Variants in PLCXD3 observed in about 807,000 individuals in gnomAD.
PLCXD3 encodes the protein phosphatidylinositol specific phospholipase C X domain containing 3.
Under a neutral mutation model 25.5 loss-of-function variants are expected in PLCXD3, and 19 were observed. The ratio of observed to expected loss-of-function variants is 0.75; its 90% CI spans 0.52 to 1.09. The LOEUF is 1.09. PLCXD3 is among the 50% of genes least tolerant of loss of function. The pLI is 0.00. For missense variants in PLCXD3, 411 were observed against 388.1 expected (o/e 1.06, Z -0.50); for synonymous variants, 174 against 137.6 (o/e 1.26, Z -1.85).
intron 1 of PLCXD3, among the ~76,000 whole-genome samples, chr5:41,446,646 G>A (rs1747512076): frequency 6.6e-6 from 1 of 151,898 alleles, no homozygotes; most frequent in Non-Finnish European, 1.5e-5. Context: ...TCAAGGAGAA[G>A]GGAAGATGCA....
intron 2 of PLCXD3, among the ~76,000 whole-genome samples, chr5:41,365,630 G>C (rs1245323545): frequency 6.6e-6 from 1 of 152,024 alleles, no homozygotes; most frequent in South Asian, 2.1e-4. Context: ...TCTATCCCTG[G>C]GTAACCTGAA....
chr5:41,485,005 G>C (rs1361726490), intron 1 of PLCXD3, among the ~76,000 whole-genome samples: 1 of 152,172 alleles, frequency 6.6e-6, no homozygotes, highest in African/African-American at 2.4e-5. Flanking sequence ...GGTATAAACA[G>C]GGATAGGTGA....
chr5:41,413,785 T>C (rs899335015), intron 1 of PLCXD3, among the ~76,000 whole-genome samples: 5 of 152,156 alleles, frequency 3.3e-5, no homozygotes, highest in Admixed American at 6.5e-5. Context: ...AAAAATCACC[T>C]ATATTCTGCA....
intron 1 of PLCXD3, among the ~76,000 whole-genome samples, chr5:41,430,713 G>A (rs1284012882): frequency 6.6e-6 from 1 of 152,098 alleles, no homozygotes; most frequent in Non-Finnish European, 1.5e-5. Context: ...TCCCTTCCAG[G>A]GGTCAGAGTA....
At chr5:41,466,226 C>T (rs1361967488) in intron 1 of PLCXD3, among the ~76,000 whole-genome samples, 2 of 151,752 alleles carry the variant, frequency 1.3e-5, no homozygotes, top group Admixed American at 1.3e-4. Flanking sequence ...TTAATTAAAA[C>T]AATTTTTCAA....
chr5:41,397,985 A>G (rs1746061881), intron 1 of PLCXD3, among the ~76,000 whole-genome samples: 1 of 152,204 alleles, frequency 6.6e-6, no homozygotes, highest in Non-Finnish European at 1.5e-5. Flanking sequence ...TTTTCATATT[A>G]CAGGATCATT....
chr5:41,366,332 A>G (rs318837), intron 2 of PLCXD3, among the ~76,000 whole-genome samples: 110,594 of 152,134 alleles, frequency 0.73, 40,812 homozygotes, highest in Non-Finnish European at 0.79. Context: ...CTAAAGGAAA[A>G]CATGAGGTTC....
chr5:41,389,267 A>G (rs549767075), intron 1 of PLCXD3, among the ~76,000 whole-genome samples: 1 of 152,272 alleles, frequency 6.6e-6, no homozygotes, highest in Admixed American at 6.5e-5. Flanking sequence ...CCATGTTACA[A>G]GATACTGGCA....
chr5:41,455,306 A>T (rs1212844474), intron 1 of PLCXD3, among the ~76,000 whole-genome samples: 1 of 151,940 alleles, frequency 6.6e-6, no homozygotes, highest in Admixed American at 6.6e-5. Context: ...CTCATAACTG[A>T]GGATAATTGA....
At chr5:41,377,759 T>G (rs1745339055) in intron 2 of PLCXD3, among the ~76,000 whole-genome samples, 1 of 152,142 alleles carries the variant, frequency 6.6e-6, no homozygotes, top group Non-Finnish European at 1.5e-5. Context: ...CGCTGTTTTC[T>G]AAATGCATGT....
intron 1 of PLCXD3, among the ~76,000 whole-genome samples, chr5:41,471,983 C>G (rs953418300): frequency 1.5e-5 from 2 of 129,394 alleles, no homozygotes; most frequent in African/African-American, 5.9e-5. Flanking sequence ...CCCTCCCTCC[C>G]TCCCTTCCTC....
At chr5:41,323,841 T>G (rs1458290506) in intron 2 of PLCXD3, among the ~76,000 whole-genome samples, 1 of 152,178 alleles carries the variant, frequency 6.6e-6, no homozygotes, top group African/African-American at 2.4e-5. Context: ...CTAGAAGTAT[T>G]CTGGCACGTG....
intron 2 of PLCXD3, among the ~76,000 whole-genome samples, chr5:41,325,407 TACA>T (rs1440629512): frequency 6.6e-6 from 1 of 152,196 alleles, no homozygotes; most frequent in Non-Finnish European, 1.5e-5. Flanking sequence ...CTACTGAAGT[TACA>T]ACAATTATTT....
At chr5:41,465,041 T>G (rs1419416020) in intron 1 of PLCXD3, among the ~76,000 whole-genome samples, 9 of 152,116 alleles carry the variant, frequency 5.9e-5, no homozygotes, top group Admixed American at 1.3e-4. Context: ...GTACATTTTT[T>G]GGGGGTGTTC....
At chr5:41,432,452 G>C (rs1747139519) in intron 1 of PLCXD3, among the ~76,000 whole-genome samples, 1 of 152,214 alleles carries the variant, frequency 6.6e-6, no homozygotes, top group African/African-American at 2.4e-5. Flanking sequence ...TGGATGGGGG[G>C]ATGGAGAAGA....
At chr5:41,361,003 G>C (rs892395505) in intron 2 of PLCXD3, among the ~76,000 whole-genome samples, 2 of 152,136 alleles carry the variant, frequency 1.3e-5, no homozygotes, top group Non-Finnish European at 2.9e-5. Context: ...TACCAGGGCA[G>C]GTAGAGAAAG....
intron 1 of PLCXD3, among the ~76,000 whole-genome samples, chr5:41,431,795 G>T (rs1747115073): frequency 6.6e-6 from 1 of 152,170 alleles, no homozygotes; most frequent in Non-Finnish European, 1.5e-5. Context: ...TTTAAAGTGA[G>T]ACACAGTTAA....
At chr5:41,489,182 A>G (rs1748591659) in intron 1 of PLCXD3, among the ~76,000 whole-genome samples, 1 of 152,102 alleles carries the variant, frequency 6.6e-6, no homozygotes, top group African/African-American at 2.4e-5. Context: ...TTTATTAAAT[A>G]GGGAATCCTT....
At position 41,440,249 on chromosome 5, in the gene PLCXD3, T is replaced by TG. The variant is rs1554050228; in HGVS notation, c.104-57716_104-57715insC. Among the ~76,000 whole-genome samples, 48 of 100,384 alleles carry TG rather than the reference T, an allele frequency of 4.8e-4. 2 individuals are homozygous for TG. The highest frequency in any genetic ancestry group is 1.9e-3 in the Admixed American group (17 of 8,730). The allele number at this position is 100,384 out of a possible 152,430, so 65.9% of individuals were successfully genotyped here. The stretch of plus-strand genomic sequence containing the variant: ...TTTTTTTTTTTTTTTTTTTTTTTTT[T>TG]TTAGTCAGAGTCTCACTGTGTCACC... On this transcript the variant is annotated intron_variant, in intron 1 of 2. Coordinates refer to ENST00000377801, the MANE Select transcript of PLCXD3 (RefSeq NM_001005473.3).
Sources: allele counts gnomAD v4.1 joint callset (sites outside exome capture counted in the v4.1 genomes callset), GRCh38; gene constraint gnomAD v4.1.1; transcripts MANE v1.5; gene names NCBI Gene and HGNC (gene_info 2026-07-23, HGNC 2026-07-21).